RIC3: variants seen among roughly 807,000 people sequenced by gnomAD.
The protein encoded by RIC3 is RIC3 acetylcholine receptor chaperone.
RIC3 carries 28 observed loss-of-function variants against 27.3 expected under a neutral mutation model. That is an observed-to-expected ratio of 1.02 (90% CI 0.76 to 1.41). RIC3 has a LOEUF of 1.41. Among genes scored for constraint, RIC3 ranks in the 40% most tolerant of loss-of-function variants. The pLI is 0.00. For synonymous variants in RIC3, 184 were observed against 160.4 expected (o/e 1.15, Z -1.11); for missense variants, 501 against 444.7 (o/e 1.13, Z -1.14).
intron 1 of RIC3, among the ~76,000 whole-genome samples, chr11:8,150,293 AT>A (rs913246989): frequency 2.0e-5 from 3 of 152,180 alleles, no homozygotes; most frequent in African/African-American, 4.8e-5. Flanking sequence ...TATAAATCAT[AT>A]TTTTTAAGTT....
At chr11:8,097,484 G>A in the RIC3 span, 9,979 of 1,606,854 alleles carry the variant, frequency 6.2e-3, 60 homozygotes, top group Middle Eastern at 0.03. Context: ...AATCCTAGGG[G>A]CTGAAATGTG....
chr11:8,137,344 G>T (rs1357183206), intron 4 of RIC3, 34 bp downstream of exon 4: 1 of 1,577,318 alleles, frequency 6.3e-7, no homozygotes, highest in African/African-American at 1.3e-5. Flanking sequence ...TTCTAAATGA[G>T]AAATAGTCTG....
intron 5 of RIC3, among the ~76,000 whole-genome samples, chr11:8,122,863 G>GAAAAAAAAAAAAAAAAAAAAAAA (rs1272917169): frequency 2.3e-5 from 1 of 44,276 alleles, no homozygotes. Context: ...TACCAGGTAT[G>GAAAAAAAAAAAAAAAAAAAAAAA]CAAAAAAAAA....
chr11:8,110,386 C>T lies in RIC3; in HGVS notation c.*312G>A. 1 of 436,684 alleles carries T rather than the reference C, an allele frequency of 2.3e-6. No individual in the cohort carries two copies. The allele number at this position is 436,684 out of a possible 1,614,324, so 27.1% of individuals were successfully genotyped here. Reference sequence around the variant, plus strand: ...TTACACCTACCAGGAAGAGTCAGACCTTTGCCCCTGAGTGGTCCCATCTGT... The same window carrying T: ...TTACACCTACCAGGAAGAGTCAGACTTTTGCCCCTGAGTGGTCCCATCTGT... On this transcript the variant is annotated 3_prime_UTR_variant, in exon 6 of 6. Transcript: ENST00000309737.
In RIC3 at chr11:8,108,802, A is replaced by C. The variant is rs1318981559; in HGVS notation, c.*1896T>G. 1 of 152,236 alleles carries C rather than the reference A, an allele frequency of 6.6e-6. No homozygotes were observed. Among genetic ancestry groups the C allele is most frequent in the East Asian group, 1.9e-4 (1 of 5,200 alleles). 9.4% of individuals were successfully genotyped at this position (152,236 alleles called of 1,614,324 possible). ...CAATTGACTGCTAAATGAATGAATG[A>C]GCTAGAAGAGAACAGCAGTATTTAT... On this transcript the variant is annotated 3_prime_UTR_variant, in exon 6 of 6. Coordinates refer to ENST00000309737, the MANE Select transcript of RIC3 (RefSeq NM_001206671.4).
At chr11:8,126,144 G>A (rs1468584423) in intron 5 of RIC3, among the ~76,000 whole-genome samples, 1 of 152,196 alleles carries the variant, frequency 6.6e-6, no homozygotes, top group Non-Finnish European at 1.5e-5. Context: ...AGACTCATAT[G>A]CAAAAGTTCA....
chr11:8,140,657 C>G (rs571118741), intron 1 of RIC3, among the ~76,000 whole-genome samples: 125 of 152,296 alleles, frequency 8.2e-4, no homozygotes, highest in African/African-American at 2.6e-3. Flanking sequence ...TTATGTAGTG[C>G]AGAGCCCTCC....
chr11:8,162,456 C>T (rs761116132), intron 1 of RIC3, among the ~76,000 whole-genome samples: 7 of 152,054 alleles, frequency 4.6e-5, no homozygotes, highest in Non-Finnish European at 1.0e-4. Context: ...TTTCTAAAAC[C>T]AGGTTAAATG....
chr11:8,095,232 G>A, the RIC3 span, among the ~76,000 whole-genome samples: 167 of 152,250 alleles, frequency 1.1e-3, no homozygotes, highest in African/African-American at 3.5e-3. Context: ...GATGGCTGCC[G>A]TCTGCTTTAA....
chr11:8,143,601 G>A lies in RIC3; in HGVS notation c.125-3408C>T, dbSNP rs1450764634. Among the ~76,000 whole-genome samples, 18 of 152,116 alleles carry A rather than the reference G, an allele frequency of 1.2e-4. No homozygotes were observed. In the East Asian group the frequency reaches 1.3e-3, roughly 11 times the overall value. ...TCAGTATCGTGAAAATGGCCATACT[G>A]CCCAAGGTAATTTACAGATTCAATG... On this transcript the variant is annotated intron_variant, in intron 1 of 5. Coordinates refer to ENST00000309737, the MANE Select transcript of RIC3 (RefSeq NM_001206671.4).
chr11:8,094,853 C>A, the RIC3 span, among the ~76,000 whole-genome samples: 3 of 152,204 alleles, frequency 2.0e-5, no homozygotes, highest in Non-Finnish European at 4.4e-5. Flanking sequence ...AGGCCATGGG[C>A]TTCTGGAGCT....
downstream of RIC3, among the ~76,000 whole-genome samples, chr11:8,101,282 TCTTA>T (rs1228519113): frequency 2.0e-5 from 3 of 152,192 alleles, no homozygotes; most frequent in African/African-American, 7.2e-5. Flanking sequence ...TTCACATGCA[TCTTA>T]CTTTGTCCTT....
At chr11:8,138,148 G>C (rs1176262622) in intron 3 of RIC3, 124 bp downstream of exon 3, 3 of 611,202 alleles carry the variant, frequency 4.9e-6, no homozygotes, top group East Asian at 5.7e-5. Flanking sequence ...GGCAAAAATG[G>C]CATCAGATTA....
In RIC3 at chr11:8,108,847, T is replaced by C. The variant is rs1260666073; in HGVS notation, c.*1851A>G. ...ATTTATCTCTAATAAGGGAATCCTATCCTAAGGCCAAAAGTAAACCTGAGC... is the reference window on the plus strand; with the variant it reads ...ATTTATCTCTAATAAGGGAATCCTACCCTAAGGCCAAAAGTAAACCTGAGC... On this transcript the variant is annotated 3_prime_UTR_variant, in exon 6 of 6. Transcript: ENST00000309737. The C allele has an allele frequency of 6.6e-6, 1 of 152,220 alleles. No individual in the cohort carries two copies. Among genetic ancestry groups the C allele is most frequent in the Non-Finnish European group, 1.5e-5 (1 of 68,038 alleles). 9.4% of individuals were successfully genotyped at this position (152,220 alleles called of 1,614,324 possible).
chr11:8,100,553 C>T, the RIC3 span: 23 of 1,614,128 alleles, frequency 1.4e-5, no homozygotes, highest in Middle Eastern at 3.3e-4. Context: ...GCGTGATTGT[C>T]CCAGGCATGA....
At chr11:8,104,747 A>G (rs1245917310), downstream of RIC3, 6 of 152,202 alleles carry the variant, frequency 3.9e-5, no homozygotes, top group East Asian at 1.2e-3. Flanking sequence ...GAAATTGAAC[A>G]TACTCTAGTG....
At chr11:8,158,972 C>T (rs982915435) in intron 1 of RIC3, among the ~76,000 whole-genome samples, 15 of 150,860 alleles carry the variant, frequency 9.9e-5, no homozygotes, top group South Asian at 6.3e-4. Flanking sequence ...ACCTTGTGAT[C>T]CACCCGCCTT....
At chr11:8,144,216 A>AG (rs537591667) in intron 1 of RIC3, among the ~76,000 whole-genome samples, 6,335 of 151,384 alleles carry the variant, frequency 0.042, 151 homozygotes, top group South Asian at 0.079. Context: ...GCACAGCAAA[A>AG]GAAACTACCA....
intron 5 of RIC3, among the ~76,000 whole-genome samples, chr11:8,122,009 G>C (rs950000398): frequency 6.6e-6 from 1 of 152,072 alleles, no homozygotes; most frequent in Non-Finnish European, 1.5e-5. Context: ...TGGGAGGATC[G>C]CCTGAGTCCC....
Sources: gnomAD v4.1 joint callset for allele counts (sites outside exome capture counted in the v4.1 genomes callset) on GRCh38, gnomAD v4.1.1 for gene constraint, MANE v1.5 for transcripts, NCBI Gene and HGNC (gene_info 2026-07-23, HGNC 2026-07-21) for gene names.